Variants in OOSP4B observed in about 807,000 individuals in gnomAD.
The protein encoded by OOSP4B is oocyte secreted protein family member 4B.
chr11:60,030,983 G>C (rs1192469691), exon 5 of OOSP4B: 4 of 394,452 alleles, frequency 1.0e-5, no homozygotes, highest in African/African-American at 8.2e-5. Flanking sequence ...TTGGAGTTTT[G>C]AATAACATAT....
intron 4 of OOSP4B, among the ~76,000 whole-genome samples, chr11:60,030,298 A>G (rs557194165): frequency 1.3e-5 from 2 of 152,352 alleles, no homozygotes; most frequent in South Asian, 4.1e-4. Context: ...TGTGTATAAA[A>G]TAAGTAGGCA....
intron 3 of OOSP4B, among the ~76,000 whole-genome samples, chr11:60,028,206 C>T (rs903840570): frequency 6.6e-6 from 1 of 151,182 alleles, no homozygotes; most frequent in Non-Finnish European, 1.5e-5. Flanking sequence ...CACTCTGTTG[C>T]CCAGGCGGGA....
chr11:60,024,516 G>A (rs190312895), intron 2 of OOSP4B, among the ~76,000 whole-genome samples: 1 of 152,252 alleles, frequency 6.6e-6, no homozygotes, highest in Admixed American at 6.5e-5. Flanking sequence ...CTCCAGCCTG[G>A]GTGATAAGTG....
In OOSP4B at chr11:60,030,015, T is replaced by A. The variant is rs148456643; in HGVS notation, c.450+86T>A. 1.8e-5 allele frequency: 7 copies of A among 395,958 alleles called. 1 individual carries two copies. In the South Asian group the frequency reaches 5.6e-4, roughly 32 times the overall value. The allele number at this position is 395,958 out of a possible 1,614,324, so 24.5% of individuals were successfully genotyped here. A position where few individuals can be genotyped will look rare whatever the true frequency, so the allele number is the denominator to read the frequency against. On this transcript the variant is annotated intron_variant, in intron 4 of 4. Coordinates refer to ENST00000642343, the Ensembl canonical transcript of OOSP4B. ...GGAAGGCAATGATGTAAATTCCTAT[T>A]TGAATGCTGCATGCTGAAATTGCTC...
At chr11:60,024,583 C>T (rs1854726311) in intron 2 of OOSP4B, among the ~76,000 whole-genome samples, 1 of 152,186 alleles carries the variant, frequency 6.6e-6, no homozygotes, top group African/African-American at 2.4e-5. Flanking sequence ...TTACTACCTC[C>T]ATCTGCTGTC....
At chr11:60,024,009 C>T (rs924599951) in exon 2 of OOSP4B, 3 of 398,410 alleles carry the variant, frequency 7.5e-6, no homozygotes, top group Non-Finnish European at 1.3e-5. Flanking sequence ...AGACTGTTGT[C>T]ATTTAACTAC....
chr11:60,020,377 C>T (rs554439323), intron 1 of OOSP4B, among the ~76,000 whole-genome samples: 8 of 152,242 alleles, frequency 5.3e-5, no homozygotes, highest in South Asian at 2.1e-4. Context: ...TCAGGCATGG[C>T]GGGCTGCAGG....
At chr11:60,020,569 G>A (rs369676405) in intron 1 of OOSP4B, among the ~76,000 whole-genome samples, 2 of 152,186 alleles carry the variant, frequency 1.3e-5, no homozygotes, top group Non-Finnish European at 2.9e-5. Context: ...CAAGCACAGC[G>A]AGCAGCCCCG....
At chr11:60,024,310 T>G (rs922452432) in intron 2 of OOSP4B, among the ~76,000 whole-genome samples, 3 of 152,056 alleles carry the variant, frequency 2.0e-5, no homozygotes, top group Non-Finnish European at 4.4e-5. Flanking sequence ...GAGGCTGGGG[T>G]GGGTGGATCA....
At chr11:60,025,575 T>C (rs1854739825) in intron 3 of OOSP4B, among the ~76,000 whole-genome samples, 2 of 152,214 alleles carry the variant, frequency 1.3e-5, no homozygotes, top group Non-Finnish European at 2.9e-5. Flanking sequence ...GCAGAATGTT[T>C]GAAACTCGTT....
chr11:60,025,091 C>A (rs903777949), intron 3 of OOSP4B, 86 bp downstream of exon 3: 19 of 395,688 alleles, frequency 4.8e-5, no homozygotes, highest in Non-Finnish European at 6.2e-5. Context: ...TATAAAAATG[C>A]CCTGGAGGGA....
rs368459664 is a variant in OOSP4B at position 60,020,496 on chromosome 11, C to A, written c.22+3083C>A. Among the ~76,000 whole-genome samples, 566 of 152,340 alleles carry A rather than the reference C, an allele frequency of 3.7e-3. 1 individual carries two copies. The highest frequency in any genetic ancestry group is 0.013 in the African/African-American group (528 of 41,584). The stretch of plus-strand genomic sequence containing the variant: ...TCACTGCCCGGGTGGGGGCGGGGGC[C>A]AGCCGGCGGCTCCGAGTGTGGGGCA... On this transcript the variant is annotated intron_variant, in intron 1 of 4. Coordinates refer to ENST00000642343, the Ensembl canonical transcript of OOSP4B.
intron 1 of OOSP4B, among the ~76,000 whole-genome samples, chr11:60,018,001 G>GA (rs1854643484): frequency 6.6e-6 from 1 of 152,162 alleles, no homozygotes; most frequent in African/African-American, 2.4e-5. Context: ...AGTTACTTTT[G>GA]AAGTCTCTCT....
chr11:60,020,627 G>T (rs1854681217), intron 1 of OOSP4B, among the ~76,000 whole-genome samples: 3 of 152,258 alleles, frequency 2.0e-5, no homozygotes, highest in African/African-American at 7.2e-5. Context: ...AGCTGAGGGA[G>T]CTGGCTCTGG....
At chr11:60,023,250 T>C (rs948785356) in intron 1 of OOSP4B, among the ~76,000 whole-genome samples, 1 of 152,214 alleles carries the variant, frequency 6.6e-6, no homozygotes, top group African/African-American at 2.4e-5. Flanking sequence ...TCAAGGGGCT[T>C]TTGAGCACAT....
At chr11:60,027,292 GTGTC>G (rs1854754143) in intron 3 of OOSP4B, among the ~76,000 whole-genome samples, 1 of 152,116 alleles carries the variant, frequency 6.6e-6, no homozygotes, top group Admixed American at 6.5e-5. Flanking sequence ...TTGGAATGGG[GTGTC>G]TCCCTCTCTT....
intron 1 of OOSP4B, among the ~76,000 whole-genome samples, chr11:60,022,508 T>C (rs1854702059): frequency 6.6e-6 from 1 of 152,220 alleles, no homozygotes; most frequent in African/African-American, 2.4e-5. Flanking sequence ...TTCTTCTAGC[T>C]GTCCCAAAAA....
At chr11:60,027,027 A>C (rs796334389) in intron 3 of OOSP4B, among the ~76,000 whole-genome samples, 1 of 152,166 alleles carries the variant, frequency 6.6e-6, no homozygotes. Context: ...CAGGGAGTAC[A>C]TATATAGGTT....
intron 1 of OOSP4B, among the ~76,000 whole-genome samples, chr11:60,019,202 G>A (rs141295475): frequency 1.4e-4 from 21 of 151,942 alleles, no homozygotes; most frequent in African/African-American, 5.1e-4. Flanking sequence ...AAGCCTGGGC[G>A]ACAGAGCGAG....
Sources: gnomAD v4.1 joint callset for allele counts (sites outside exome capture counted in the v4.1 genomes callset) on GRCh38, gnomAD v4.1.1 for gene constraint, MANE v1.5 for transcripts, NCBI Gene and HGNC (gene_info 2026-07-23, HGNC 2026-07-21) for gene names.